The following LMF1 variants were observed in gnomAD, a reference collection of about 807,000 sequenced individuals.
LMF1 encodes the protein lipase maturation factor 1.
LMF1 carries 68 observed loss-of-function variants against 60.6 expected under a neutral mutation model. That is an observed-to-expected ratio of 1.12 (90% CI 0.92 to 1.37). The LOEUF is 1.37. LMF1 is among the 40% of genes most tolerant of loss of function. The probability of loss-of-function intolerance (pLI) is 0.00; values close to 1 mark genes in which losing one functional copy is unlikely to be tolerated. For missense variants in LMF1, 948 were observed against 767.2 expected (o/e 1.24, Z -2.78); for synonymous variants, 418 against 324.7 (o/e 1.29, Z -3.09).
rs949547421 is a variant in LMF1 at position 853,740 on chromosome 16, C to G, written c.*792G>C. ...AAATGTGCAGTAGACGCTGTTTGTC[C>G]GACGATGATGAAAGTGTGCACGGCC... On this transcript the variant is annotated 3_prime_UTR_variant, in exon 11 of 11. Coordinates refer to ENST00000262301, the MANE Select transcript of LMF1 (RefSeq NM_022773.4). The G allele has an allele frequency of 2.2e-6, 1 of 454,096 alleles. No individual in the cohort carries two copies. Among genetic ancestry groups the G allele is most frequent in the South Asian group, 1.6e-5 (1 of 64,474 alleles). 28.1% of individuals were successfully genotyped at this position (454,096 alleles called of 1,614,324 possible). A position where few individuals can be genotyped will look rare whatever the true frequency, so the allele number is the denominator to read the frequency against.
intron 4 of LMF1, chr16:900,681 ATGTGTGTGTGTGTGTGTGTGTGTG>A (rs139778716): frequency 2.2e-5 from 2 of 90,812 alleles, no homozygotes; most frequent in African/African-American, 5.7e-5. Flanking sequence ...GCTAATTTTT[ATGTGTGTGTGTGTGTGTGTGTGTG>A]TGTGTGTGTG....
intron 3 of LMF1, among the ~76,000 whole-genome samples, chr16:918,973 G>C (rs946584037): frequency 6.6e-6 from 1 of 152,038 alleles, no homozygotes; most frequent in African/African-American, 2.4e-5. Flanking sequence ...GGTGGGACGA[G>C]CTCTCGGCAC....
intron 9 of LMF1, chr16:869,390 C>T (rs1451517390): frequency 1.7e-6 from 1 of 588,604 alleles, no homozygotes; most frequent in Non-Finnish European, 3.2e-6. Flanking sequence ...GAAACAGCAG[C>T]TCTGTCCATG....
At chr16:886,313 G>T (rs1302625525) in intron 5 of LMF1, among the ~76,000 whole-genome samples, 1 of 152,074 alleles carries the variant, frequency 6.6e-6, no homozygotes, top group Non-Finnish European at 1.5e-5. Context: ...ACCTTGAGGC[G>T]CCACCCCTGT....
At chr16:892,765 G>A (rs573375306) in intron 5 of LMF1, among the ~76,000 whole-genome samples, 2 of 152,182 alleles carry the variant, frequency 1.3e-5, no homozygotes, top group East Asian at 3.9e-4. Context: ...GCCCGTGCAG[G>A]AACCAGAGCA....
intron 3 of LMF1, among the ~76,000 whole-genome samples, chr16:924,914 C>T (rs991518138): frequency 2.6e-5 from 4 of 152,226 alleles, no homozygotes; most frequent in African/African-American, 9.6e-5. Context: ...AGTATTGAGG[C>T]CCAGGCGGGA....
intron 1 of LMF1, among the ~76,000 whole-genome samples, chr16:969,790 C>T (rs910710278): frequency 6.6e-6 from 1 of 152,208 alleles, no homozygotes; most frequent in Non-Finnish European, 1.5e-5. Context: ...ACTTGAGGTT[C>T]GTAGCTCCTG....
intron 2 of LMF1, among the ~76,000 whole-genome samples, chr16:950,507 G>A (rs369351523): frequency 1.0e-3 from 65 of 63,492 alleles, no homozygotes; most frequent in African/African-American, 1.6e-3. Context: ...AGTCAGAGAT[G>A]ACAGAGTCAG....
chr16:889,694 G>C (rs2070420691), intron 5 of LMF1, among the ~76,000 whole-genome samples: 1 of 152,176 alleles, frequency 6.6e-6, no homozygotes, highest in South Asian at 2.1e-4. Flanking sequence ...CAATGCTGTG[G>C]GGCAGAGGGC....
intron 1 of LMF1, among the ~76,000 whole-genome samples, chr16:970,374 C>G (rs1357203966): frequency 2.6e-5 from 4 of 152,166 alleles, no homozygotes; most frequent in Non-Finnish European, 4.4e-5. Context: ...TCCAGGCCGC[C>G]CCCCGCCCCG....
At chr16:861,452 G>A (rs937728709) in intron 10 of LMF1, among the ~76,000 whole-genome samples, 4 of 147,764 alleles carry the variant, frequency 2.7e-5, no homozygotes, top group Non-Finnish European at 5.9e-5. Context: ...CTGCCTCCCC[G>A]GTACAAGCAA....
intron 1 of LMF1, among the ~76,000 whole-genome samples, chr16:977,996 A>ATG (rs1180227618): frequency 1.6e-4 from 22 of 133,956 alleles, no homozygotes; most frequent in South Asian, 2.6e-4. Flanking sequence ...ATACACGCAC[A>ATG]CACACACACC....
At chr16:858,927 C>T (rs1384624379) in intron 10 of LMF1, among the ~76,000 whole-genome samples, 1 of 92,792 alleles carries the variant, frequency 1.1e-5, no homozygotes, top group Non-Finnish European at 2.0e-5. Flanking sequence ...AGTGGTGTCA[C>T]GGGACGGGTG....
At chr16:938,934 G>C (rs1351939005) in intron 2 of LMF1, among the ~76,000 whole-genome samples, 1 of 152,236 alleles carries the variant, frequency 6.6e-6, no homozygotes. Context: ...AAGACGGGCA[G>C]ACTGGACACA....
In LMF1 at chr16:879,560, G is replaced by A. The variant is rs780984928; in HGVS notation, c.897+10C>T. The A allele has an allele frequency of 6.2e-6, 10 of 1,611,528 alleles. No homozygotes were observed. Among genetic ancestry groups the A allele is most frequent in the South Asian group, 2.2e-5 (2 of 90,896 alleles). On this transcript the variant is annotated intron_variant, in intron 6 of 10. Transcript: ENST00000262301. ...GTGGACACGGGGCAGGGCGGGCGGC[G>A]CGGGCTCACCTGGAACAGGATCTGC...
chr16:890,061 T>A (rs976163386), intron 5 of LMF1, among the ~76,000 whole-genome samples: 3 of 152,098 alleles, frequency 2.0e-5, no homozygotes, highest in African/African-American at 7.2e-5. Flanking sequence ...CACTGCCCCC[T>A]GTACCTAGGA....
At chr16:932,678 C>T (rs924209240) in intron 3 of LMF1, among the ~76,000 whole-genome samples, 22 of 152,260 alleles carry the variant, frequency 1.4e-4, no homozygotes, top group African/African-American at 5.3e-4. Flanking sequence ...GCTTCAGCCC[C>T]CAAACTGCTA....
At chr16:943,749 A>AC (rs1218821540) in intron 2 of LMF1, among the ~76,000 whole-genome samples, 1 of 151,342 alleles carries the variant, frequency 6.6e-6, no homozygotes, top group Admixed American at 6.6e-5. Flanking sequence ...AAAAAAAAAA[A>AC]AGAGGAATAC....
intron 1 of LMF1, chr16:978,906 G>A (rs893447462): frequency 3.4e-5 from 15 of 444,672 alleles, no homozygotes; most frequent in Non-Finnish European, 5.5e-5. Flanking sequence ...CAGGGAACAC[G>A]CTGGCCTCTC....
Sources: gnomAD v4.1 joint callset for allele counts (sites outside exome capture counted in the v4.1 genomes callset) on GRCh38, gnomAD v4.1.1 for gene constraint, MANE v1.5 for transcripts, NCBI Gene and HGNC (gene_info 2026-07-23, HGNC 2026-07-21) for gene names.